SYNE2: variants seen among roughly 807,000 people sequenced by gnomAD.
SYNE2 encodes nesprin-2.
Under a neutral mutation model 856.3 loss-of-function variants are expected in SYNE2, and 431 were observed. That is an observed-to-expected ratio of 0.50 (90% confidence interval 0.47 to 0.55). SYNE2 has a LOEUF of 0.55. Among genes scored for constraint, SYNE2 ranks in the 20% least tolerant of loss-of-function variants. The pLI is 0.00. For missense variants in SYNE2, 8,129 were observed against 8,023.2 expected, an observed-to-expected ratio of 1.01 and a Z score of -0.50; for synonymous variants, 2,923 against 2,872.3, an observed-to-expected ratio of 1.02 and a Z score of -0.56.
At chr14:64,107,740 A>G (rs1479163287) in intron 65 of SYNE2, 133 bp downstream of exon 65, 1 of 795,692 alleles carries the variant, frequency 1.3e-6, no homozygotes, top group African/African-American at 1.7e-5. Flanking sequence ...ATATGAAGAT[A>G]TGTGCTGTCA....
intron 114 of SYNE2, 51 bp from the exon 115 acceptor site, chr14:64,224,948 A>G: frequency 6.5e-7 from 1 of 1,547,586 alleles, no homozygotes; most frequent in Non-Finnish European, 8.9e-7. Flanking sequence ...TTTATCATTG[A>G]TAGGACTAAA....
intron 57 of SYNE2, among the ~76,000 whole-genome samples, chr14:64,086,401 G>A (rs184878085): frequency 1.3e-5 from 2 of 152,210 alleles, no homozygotes; most frequent in Admixed American, 1.3e-4. Flanking sequence ...CATTACTATA[G>A]CTTTACAGTA....
rs139130013 is a variant in SYNE2 at position 63,883,589 on chromosome 14, C to T, written c.-51-25509C>T. Reference sequence around the variant, plus strand: ...CAGGCTGGTCTTGAACTCCTGGGCTCAAGCAATCCTCCCACCTTGGCCTCC... The same window carrying T: ...CAGGCTGGTCTTGAACTCCTGGGCTTAAGCAATCCTCCCACCTTGGCCTCC... On this transcript the variant is annotated intron_variant, in intron 1 of 115. Transcript: ENST00000555002. Among the ~76,000 whole-genome samples, 17 of 152,312 alleles carry T rather than the reference C, an allele frequency of 1.1e-4. 1 individual carries two copies. The East Asian group carries it at 3.3e-3, about 29-fold the overall frequency.
At chr14:63,830,752 G>A (rs1889636008) in intron 1 of SYNE2, among the ~76,000 whole-genome samples, 2 of 151,234 alleles carry the variant, frequency 1.3e-5, no homozygotes, top group East Asian at 1.9e-4. Context: ...GACTTGTTTC[G>A]TGATTGTTCA....
chr14:64,126,906 A>G (rs2097951781), intron 73 of SYNE2, 99 bp downstream of exon 73: 1 of 1,260,358 alleles, frequency 7.9e-7, no homozygotes, highest in Non-Finnish European at 1.1e-6. Context: ...GTTAATAAGA[A>G]TTGCTAAGGG....
chr14:63,888,932 T>C (rs2095059852), intron 1 of SYNE2, among the ~76,000 whole-genome samples: 1 of 151,884 alleles, frequency 6.6e-6, no homozygotes, highest in South Asian at 2.1e-4. Context: ...CCGGGCGCGG[T>C]GGCACACGCC....
chr14:64,084,993 C>T, intron 57 of SYNE2: 2 of 702,372 alleles, frequency 2.8e-6, no homozygotes, highest in Non-Finnish European at 5.2e-6. Flanking sequence ...AGGAGTCTGC[C>T]TCACACCATG....
chr14:64,134,643 C>G (rs2098065220), intron 78 of SYNE2, among the ~76,000 whole-genome samples: 1 of 152,008 alleles, frequency 6.6e-6, no homozygotes, highest in African/African-American at 2.4e-5. Flanking sequence ...TAGACGTAGC[C>G]CATAAGACAG....
intron 1 of SYNE2, among the ~76,000 whole-genome samples, chr14:63,888,972 T>C (rs7493416): frequency 0.69 from 102,482 of 149,504 alleles, 34,928 homozygotes; most frequent in South Asian, 0.79. Context: ...GAGGCCGAGG[T>C]GGGTGGATTG....
rs886044254 is a variant in SYNE2, at chr14:64,053,343, C to T, written c.9430C>T (p.Leu3144Phe). ...AGTTCTCCAAAACATGGTATTAGAA[C>T]TCTCACCAAAAGAATTGGATGAAAA... ...YKVLQNMVLE[L>F]SPKELDEKNC... The change falls in exon 48 of 116, where the codon CTC becomes TTC. Residue 3144 changes from leucine (L) to phenylalanine (F), a missense_variant. Coordinates refer to ENST00000555002, the MANE Select transcript of SYNE2 (RefSeq NM_182914.3). 5.4e-5 allele frequency: 87 copies of T among 1,613,148 alleles called. No individual in the cohort carries two copies. The highest frequency in any genetic ancestry group is 6.5e-5 in the Non-Finnish European group (77 of 1,179,882).
intron 74 of SYNE2, among the ~76,000 whole-genome samples, chr14:64,129,144 C>G (rs1021945169): frequency 9.3e-6 from 1 of 107,836 alleles, no homozygotes; most frequent in Non-Finnish European, 1.8e-5. Flanking sequence ...CCATCTCTAT[C>G]GAAAATACAA....
chr14:63,941,042 A>G (rs992784462), intron 3 of SYNE2, among the ~76,000 whole-genome samples: 2 of 152,234 alleles, frequency 1.3e-5, no homozygotes, highest in African/African-American at 4.8e-5. Flanking sequence ...CTCCTGACAA[A>G]TAATTTCACG....
intron 1 of SYNE2, among the ~76,000 whole-genome samples, chr14:63,871,796 C>T (rs1896917799): frequency 6.6e-6 from 1 of 151,764 alleles, no homozygotes; most frequent in Non-Finnish European, 1.5e-5. Context: ...ACCTGGCCAA[C>T]TTAAATTATA....
At chr14:63,871,196 G>A (rs1362418734) in intron 1 of SYNE2, among the ~76,000 whole-genome samples, 2 of 151,786 alleles carry the variant, frequency 1.3e-5, no homozygotes, top group Non-Finnish European at 2.9e-5. Flanking sequence ...CTAATTTTGG[G>A]GAGATTTGAA....
At chr14:64,225,137 A>G in intron 115 of SYNE2, 92 bp downstream of exon 115, 1 of 1,567,066 alleles carries the variant, frequency 6.4e-7, no homozygotes, top group Non-Finnish European at 8.8e-7. Context: ...GGTCCTTGCA[A>G]AAATCTGGTT....
At chr14:64,098,212 C>A in intron 62 of SYNE2, 66 bp downstream of exon 62, 1 of 1,550,890 alleles carries the variant, frequency 6.4e-7, no homozygotes, top group East Asian at 2.2e-5. Context: ...TAGTGTTTTC[C>A]ACCTGAACGA....
chr14:63,970,602 C>G (rs2096460802), intron 11 of SYNE2, among the ~76,000 whole-genome samples: 1 of 147,618 alleles, frequency 6.8e-6, no homozygotes, highest in Non-Finnish European at 1.5e-5. Context: ...ATTCTCTCTG[C>G]TTTTTCTATC....
chr14:64,164,433 G>C lies in SYNE2; in HGVS notation c.16479+852G>C, dbSNP rs1033902211. Among the ~76,000 whole-genome samples the C allele has an allele frequency of 5.9e-5, 9 of 152,232 alleles. No homozygotes were observed. In the South Asian group the frequency reaches 1.5e-3, roughly 25 times the overall value. On this transcript the variant is annotated intron_variant, in intron 89 of 115. Transcript: ENST00000555002. Reference sequence around the variant, plus strand: ...CCGGCTAATTTTTGTATAATTAGTAGAGATGGGGTTTCGCCACATTGGCCA... The same window carrying C: ...CCGGCTAATTTTTGTATAATTAGTACAGATGGGGTTTCGCCACATTGGCCA...
rs184726627 is a variant in SYNE2, at chr14:64,062,665, G to T, written c.10068-86G>T. ...TGTCATATCTTTTCTTAAAAATTAAGTGTGGAATATTTATTCTGGGAAATT... is the reference window on the plus strand; with the variant it reads ...TGTCATATCTTTTCTTAAAAATTAATTGTGGAATATTTATTCTGGGAAATT... On this transcript the variant is annotated intron_variant, in intron 49 of 115. Coordinates refer to ENST00000555002, the MANE Select transcript of SYNE2 (RefSeq NM_182914.3). 7 of 1,241,928 alleles carry T rather than the reference G, an allele frequency of 5.6e-6. No individual in the cohort carries two copies. In the African/African-American group the frequency reaches 7.6e-5, roughly 13 times the overall value. The allele number at this position is 1,241,928 out of a possible 1,614,324, so 76.9% of individuals were successfully genotyped here.
Sources: gnomAD v4.1 joint callset for allele counts (sites outside exome capture counted in the v4.1 genomes callset) on GRCh38, gnomAD v4.1.1 for gene constraint, MANE v1.5 for transcripts, NCBI Gene and HGNC (gene_info 2026-07-23, HGNC 2026-07-21) for gene names.